ARHGEF10: variants seen among roughly 807,000 people sequenced by gnomAD.
ARHGEF10 encodes Rho guanine nucleotide exchange factor 10.
ARHGEF10 carries 140 observed loss-of-function variants against 147.4 expected under a neutral mutation model. The observed-to-expected ratio is 0.95, with a 90% CI of 0.83 to 1.09. ARHGEF10 has a LOEUF of 1.09. Ranked by LOEUF, ARHGEF10 falls within the 50% of genes least tolerant of loss-of-function variation. ARHGEF10 has a pLI of 0.00. For missense variants in ARHGEF10, 2,222 were observed against 1,752.7 expected (o/e 1.27, Z -4.78); for synonymous variants, 902 against 695.8 (o/e 1.30, Z -4.67).
At chr8:1,936,232 G>A (rs1470848242) in intron 26 of ARHGEF10, among the ~76,000 whole-genome samples, 2 of 152,150 alleles carry the variant, frequency 1.3e-5, no homozygotes, top group Admixed American at 6.5e-5. Flanking sequence ...AAATTCCTCT[G>A]GGCCGGGCAC....
At chr8:1,843,259 C>T (rs557648576) in intron 1 of ARHGEF10, 94 bp from the exon 2 acceptor site, 4 of 888,598 alleles carry the variant, frequency 4.5e-6, no homozygotes, top group Admixed American at 4.0e-5. Flanking sequence ...GTTAGCTCTT[C>T]CTTTTTGCGG....
At chr8:1,920,012 G>A (rs934499790) in intron 18 of ARHGEF10, among the ~76,000 whole-genome samples, 138 of 108,472 alleles carry the variant, frequency 1.3e-3, no homozygotes, top group Admixed American at 1.7e-3. Flanking sequence ...GAGCTGTTCT[G>A]TGGATGATGG....
rs147216932 is a variant in ARHGEF10, at chr8:1,891,242, G to A, written c.1183-2327G>A. ...CTTTATTGTAGTCATGATTCACATC[G>A]ATTTTGTTTTCCTCCTGCCAAATGT... On this transcript the variant is annotated intron_variant, in intron 11 of 28. Transcript: ENST00000349830. 3.3e-3 allele frequency among the ~76,000 whole-genome samples: 503 copies of A among 152,152 alleles called. 6 individuals carry two copies. Among genetic ancestry groups the A allele is most frequent in the African/African-American group, 0.012 (480 of 41,500 alleles).
At chr8:1,844,668 G>A (rs1305098968) in intron 2 of ARHGEF10, among the ~76,000 whole-genome samples, 5 of 152,150 alleles carry the variant, frequency 3.3e-5, no homozygotes, top group South Asian at 4.1e-4. Flanking sequence ...TGGGGGTGAC[G>A]TCGGCCGGTC....
intron 15 of ARHGEF10, among the ~76,000 whole-genome samples, chr8:1,902,112 G>A (rs9969425): frequency 0.018 from 2,720 of 152,110 alleles, 30 homozygotes; most frequent in African/African-American, 0.029. Flanking sequence ...TAAGCCCCGC[G>A]TGCATTAGGT....
chr8:1,849,202 A>G (rs1804780626), intron 2 of ARHGEF10, among the ~76,000 whole-genome samples: 1 of 152,272 alleles, frequency 6.6e-6, no homozygotes, highest in Non-Finnish European at 1.5e-5. Flanking sequence ...AAAATCCAGA[A>G]CACAGATGGT....
chr8:1,927,976 A>G (rs1812815049), intron 23 of ARHGEF10, among the ~76,000 whole-genome samples: 1 of 152,224 alleles, frequency 6.6e-6, no homozygotes. Flanking sequence ...ACAGCATACC[A>G]CATGTTGACT....
At chr8:1,915,218 G>A (rs554505607) in intron 18 of ARHGEF10, among the ~76,000 whole-genome samples, 4 of 152,282 alleles carry the variant, frequency 2.6e-5, no homozygotes, top group African/African-American at 7.2e-5. Context: ...CGCTGACTCC[G>A]GATGGAAGGC....
At chr8:1,864,321 T>C (rs765040935) in intron 4 of ARHGEF10, 52 bp from the exon 5 acceptor site, 2 of 1,569,260 alleles carry the variant, frequency 1.3e-6, no homozygotes, top group South Asian at 2.2e-5. Flanking sequence ...ATCAACTTCA[T>C]GAGCATTTTT....
At chr8:1,869,891 G>A (rs372593122) in intron 7 of ARHGEF10, 3 of 160,554 alleles carry the variant, frequency 1.9e-5, no homozygotes. Flanking sequence ...GTCCAGCAAA[G>A]TACAGTCCTT....
chr8:1,857,789 A>G (rs966426398), intron 2 of ARHGEF10, among the ~76,000 whole-genome samples, 171 bp from the exon 3 acceptor site: 11 of 152,024 alleles, frequency 7.2e-5, no homozygotes, highest in Non-Finnish European at 1.6e-4. Context: ...AATTCTAATG[A>G]TACTTATTTT....
intron 18 of ARHGEF10, among the ~76,000 whole-genome samples, chr8:1,921,249 T>C (rs963672182): frequency 5.3e-5 from 8 of 152,254 alleles, no homozygotes; most frequent in African/African-American, 1.9e-4. Context: ...TACTCCTCAG[T>C]TATATAGTAA....
chr8:1,828,029 C>T (rs956206925), intron 1 of ARHGEF10, among the ~76,000 whole-genome samples: 3 of 152,164 alleles, frequency 2.0e-5, no homozygotes, highest in African/African-American at 4.8e-5. Context: ...TCTTAATGAC[C>T]GTCAGTCCCT....
chr8:1,855,012 G>T (rs2062688522), intron 2 of ARHGEF10, among the ~76,000 whole-genome samples: 1 of 152,248 alleles, frequency 6.6e-6, no homozygotes, highest in South Asian at 2.1e-4. Flanking sequence ...AGGGGCCTCG[G>T]TGTCTCCTCA....
chr8:1,922,845 C>A (rs912216174), intron 18 of ARHGEF10, 119 bp from the exon 19 acceptor site: 2 of 703,286 alleles, frequency 2.8e-6, no homozygotes, highest in African/African-American at 1.8e-5. Context: ...TTTAAAAGTT[C>A]TAGATTCACC....
At chr8:1,895,746 G>A (rs62477557) in intron 13 of ARHGEF10, among the ~76,000 whole-genome samples, 49,902 of 152,032 alleles carry the variant, frequency 0.33, 8,518 homozygotes, top group Admixed American at 0.41. Flanking sequence ...AAGGACTTAC[G>A]GTTTCTTAGA....
intron 18 of ARHGEF10, among the ~76,000 whole-genome samples, chr8:1,922,702 G>A (rs763794581): frequency 2.6e-5 from 4 of 152,198 alleles, no homozygotes; most frequent in Admixed American, 6.5e-5. Context: ...ATACGCTTGC[G>A]TCAGATGTTA....
chr8:1,909,770 G>C (rs945438300), intron 18 of ARHGEF10, among the ~76,000 whole-genome samples: 3 of 152,228 alleles, frequency 2.0e-5, no homozygotes, highest in African/African-American at 7.2e-5. Context: ...TGCGTTTCCA[G>C]TTAACCAAAT....
At chr8:1,831,907 G>A (rs548908881) in intron 1 of ARHGEF10, among the ~76,000 whole-genome samples, 19 of 152,320 alleles carry the variant, frequency 1.2e-4, no homozygotes, top group African/African-American at 3.6e-4. Context: ...GCACATGGCC[G>A]GGTGGAGTTG....
Sources: gnomAD v4.1 joint callset for allele counts (sites outside exome capture counted in the v4.1 genomes callset) on GRCh38, gnomAD v4.1.1 for gene constraint, MANE v1.5 for transcripts, NCBI Gene and HGNC (gene_info 2026-07-23, HGNC 2026-07-21) for gene names.